ARHGAP39: variants seen among roughly 807,000 people sequenced by gnomAD.
ARHGAP39 encodes the protein rho GTPase-activating protein 39.
A neutral mutation model predicts 106.9 loss-of-function variants in ARHGAP39; 44 were observed. That is an observed-to-expected ratio of 0.41 (90% CI 0.32 to 0.53). The LOEUF (loss-of-function observed/expected upper bound fraction) is 0.53. Ranked by LOEUF, ARHGAP39 falls within the 20% of genes least tolerant of loss-of-function variation. The pLI is 0.21. For missense variants in ARHGAP39, 1,496 were observed against 1,577.3 expected (o/e 0.95, Z 0.87); for synonymous variants, 768 against 693.2 (o/e 1.11, Z -1.69).
At chr8:144,551,176 C>T (rs1004772158) in intron 4 of ARHGAP39, among the ~76,000 whole-genome samples, 1 of 151,178 alleles carries the variant, frequency 6.6e-6, no homozygotes, top group Non-Finnish European at 1.5e-5. Context: ...CCCAGGGAGG[C>T]GCCTTTCTGC....
At chr8:144,639,481 C>T (rs1028695329) in intron 1 of ARHGAP39, among the ~76,000 whole-genome samples, 13 of 151,848 alleles carry the variant, frequency 8.6e-5, no homozygotes, top group African/African-American at 2.7e-4. Context: ...ACAGGCACAC[C>T]GCACAGATGT....
chr8:144,655,093 A>C (rs1193646640), intron 1 of ARHGAP39, among the ~76,000 whole-genome samples: 1 of 152,166 alleles, frequency 6.6e-6, no homozygotes, highest in African/African-American at 2.4e-5. Flanking sequence ...GTCTGAGCCC[A>C]GGTGCCATGA....
chr8:144,628,499 T>C (rs1033618833), intron 1 of ARHGAP39, among the ~76,000 whole-genome samples: 5 of 152,124 alleles, frequency 3.3e-5, no homozygotes, highest in African/African-American at 1.2e-4. Context: ...CATCCAGCTT[T>C]AGGTTTACAA....
At chr8:144,542,409 G>A (rs531475467) in intron 6 of ARHGAP39, among the ~76,000 whole-genome samples, 1 of 152,352 alleles carries the variant, frequency 6.6e-6, no homozygotes, top group East Asian at 1.9e-4. Flanking sequence ...TCCTGAGGCT[G>A]AGGCAGGCAG....
In ARHGAP39 at chr8:144,533,339, G is replaced by T; in HGVS notation, c.2689-14C>A. The stretch of plus-strand genomic sequence containing the variant: ...CTTCTTCAGCCCCTGTGAAGACAGA[G>T]GCTCCGTCCTGGTCTGGCCTGGCCA... On this transcript the variant is annotated splice_polypyrimidine_tract_variant and intron_variant, in intron 8 of 11. Transcript: ENST00000377307. The T allele has an allele frequency of 6.2e-7, 1 of 1,610,804 alleles. No individual in the cohort carries two copies. The highest frequency in any genetic ancestry group is 2.2e-5 in the East Asian group (1 of 44,800).
At position 144,555,544 on chromosome 8, in the gene ARHGAP39, G is replaced by A; in HGVS notation, c.596+16C>T. ...CCCTCCATCACAAACGGCCACGCCT[G>A]AGAGATGGGTTCTACCTGTAGTGAA... On this transcript the variant is annotated intron_variant, in intron 4 of 11. Transcript: ENST00000377307. The A allele has an allele frequency of 6.2e-7, 1 of 1,611,636 alleles. No homozygotes were observed. The highest frequency in any genetic ancestry group is 8.5e-7 in the Non-Finnish European group (1 of 1,178,004).
At chr8:144,674,350 G>A (rs961816723) in intron 1 of ARHGAP39, among the ~76,000 whole-genome samples, 2 of 152,218 alleles carry the variant, frequency 1.3e-5, no homozygotes, top group Non-Finnish European at 2.9e-5. Context: ...GGGTTGTCTT[G>A]ACGACTGTTC....
chr8:144,570,735 C>T (rs1270931989), intron 3 of ARHGAP39, among the ~76,000 whole-genome samples: 12 of 151,920 alleles, frequency 7.9e-5, no homozygotes, highest in Admixed American at 7.9e-4. Flanking sequence ...ACACTGCTAG[C>T]AAGACTAATA....
At chr8:144,692,606 A>G in the ARHGAP39 span, among the ~76,000 whole-genome samples, 1 of 152,128 alleles carries the variant, frequency 6.6e-6, no homozygotes, top group African/African-American at 2.4e-5. Flanking sequence ...CTCTTCATAC[A>G]GGGACTGTGT....
the ARHGAP39 span, among the ~76,000 whole-genome samples, chr8:144,695,948 C>T: frequency 1.1e-4 from 17 of 152,154 alleles, no homozygotes; most frequent in African/African-American, 1.9e-4. Context: ...GTGAAAGAGC[C>T]GAGATGGAGT....
In ARHGAP39 at chr8:144,604,298, G is replaced by T. The variant is rs1820201840; in HGVS notation, c.80+1237C>A. On this transcript the variant is annotated intron_variant, in intron 2 of 11. Transcript: ENST00000377307. This position sits in a 1 kb window ranked among gnomAD's most constrained non-coding sequence, Gnocchi z 4.1. ...TGGACAGCAGTGTCTGCAGATGCGGGGCCCGGGAGGACCCAACACCACCTG... is the reference window on the plus strand; with the variant it reads ...TGGACAGCAGTGTCTGCAGATGCGGTGCCCGGGAGGACCCAACACCACCTG... Among the ~76,000 whole-genome samples, 4 of 152,144 alleles carry T rather than the reference G, an allele frequency of 2.6e-5. No individual in the cohort carries two copies.
chr8:144,620,144 CCTG>C (rs1820760352), intron 1 of ARHGAP39, among the ~76,000 whole-genome samples: 3 of 123,854 alleles, frequency 2.4e-5, no homozygotes, highest in East Asian at 2.8e-4. Context: ...CCTGTGTGTC[CCTG>C]AGAGCGTGTG....
intron 6 of ARHGAP39, among the ~76,000 whole-genome samples, chr8:144,538,628 C>T (rs980580204): frequency 2.0e-5 from 3 of 152,180 alleles, no homozygotes; most frequent in African/African-American, 7.2e-5. Context: ...GCGATCTCAG[C>T]TCACTGCAAC....
chr8:144,654,145 GA>G (rs1285410624), intron 1 of ARHGAP39, among the ~76,000 whole-genome samples: 1 of 152,116 alleles, frequency 6.6e-6, no homozygotes, highest in Admixed American at 6.5e-5. Flanking sequence ...TATATAACTG[GA>G]ACCCTTTACC....
At chr8:144,599,598 G>C (rs891202603) in intron 2 of ARHGAP39, among the ~76,000 whole-genome samples, 1 of 152,146 alleles carries the variant, frequency 6.6e-6, no homozygotes, top group Non-Finnish European at 1.5e-5. Flanking sequence ...TGGGGCTTTG[G>C]GAACGTGCGA....
intron 1 of ARHGAP39, among the ~76,000 whole-genome samples, chr8:144,628,176 G>A (rs746946815): frequency 9.9e-5 from 15 of 152,190 alleles, no homozygotes; most frequent in Admixed American, 2.0e-4. Context: ...GAGGGGTGGC[G>A]TGGGGTACCA....
chr8:144,581,992 T>C (rs1039307288), intron 2 of ARHGAP39, among the ~76,000 whole-genome samples: 2 of 152,224 alleles, frequency 1.3e-5, no homozygotes, highest in South Asian at 2.1e-4. Flanking sequence ...ATCCGTCTCT[T>C]AACCCTGCGA....
intron 2 of ARHGAP39, 75 bp from the exon 3 acceptor site, chr8:144,581,352 G>A: frequency 2.1e-6 from 3 of 1,413,556 alleles, no homozygotes; most frequent in Middle Eastern, 2.6e-4. Context: ...GCAGACCCCG[G>A]CTCCAGCCCC....
At chr8:144,654,830 C>T (rs1419641244) in intron 1 of ARHGAP39, among the ~76,000 whole-genome samples, 1 of 152,066 alleles carries the variant, frequency 6.6e-6, no homozygotes, top group African/African-American at 2.4e-5. Context: ...TCTTGGGTGG[C>T]TGGGAGCAGG....
Sources: gnomAD v4.1 joint callset for allele counts (sites outside exome capture counted in the v4.1 genomes callset) on GRCh38, gnomAD v4.1.1 for gene constraint, Gnocchi (gnomAD v3.1) non-coding constraint, MANE v1.5 for transcripts, NCBI Gene and HGNC (gene_info 2026-07-23, HGNC 2026-07-21) for gene names.